The following PXT1 variants were observed in gnomAD, a reference collection of about 807,000 sequenced individuals.
PXT1 encodes the protein peroxisomal testis-specific protein 1.
In PXT1, 11 loss-of-function variants were observed where a neutral mutation model predicts 11.0. The observed-to-expected ratio is 1.00, with a 90% CI of 0.63 to 1.66. The LOEUF is 1.66. PXT1 is among the 40% of genes most tolerant of loss of function. PXT1 has a pLI of 0.00. For synonymous variants in PXT1, 43 were observed against 51.4 expected (o/e 0.84, Z 0.70); for missense variants, 141 against 155.5 (o/e 0.91, Z 0.49).
At chr6:36,406,608 C>T (rs909203724) in intron 3 of PXT1, among the ~76,000 whole-genome samples, 5 of 151,828 alleles carry the variant, frequency 3.3e-5, no homozygotes, top group African/African-American at 1.2e-4. Flanking sequence ...GTCAGGAGTT[C>T]GAGACCAGCC....
chr6:36,407,367 TA>T (rs1318874867), intron 3 of PXT1, among the ~76,000 whole-genome samples: 2 of 152,310 alleles, frequency 1.3e-5, no homozygotes, highest in African/African-American at 4.8e-5. Flanking sequence ...AAAATTCCTT[TA>T]ACAAGATTCA....
chr6:36,421,500 A>C (rs1470127444), intron 3 of PXT1, among the ~76,000 whole-genome samples: 1 of 152,204 alleles, frequency 6.6e-6, no homozygotes, highest in Non-Finnish European at 1.5e-5. Flanking sequence ...AATCTGTGGG[A>C]AGGGTTTACG....
In PXT1 at chr6:36,400,459, G is replaced by C; in HGVS notation, c.295C>G (p.Arg99Gly). The C allele has an allele frequency of 6.2e-7, 1 of 1,613,326 alleles. No homozygotes were observed. Among genetic ancestry groups the C allele is most frequent in the South Asian group, 1.1e-5 (1 of 91,030 alleles). The change falls in exon 4 of 5, where the codon CGA becomes GGA. Residue 99 changes from arginine (R) to glycine (G), a missense_variant. Arg to Gly is a moderately radical substitution (Grantham distance 125). Transcript: ENST00000454782. ...TGGGGAAACTGAAGCCTCACCTCTC[G>C]AACCATCCTATGATCAATGTTGTCC... Reference protein sequence around the residue: ...IGDNIDHRMVREDLQQDGRDA... With the variant: ...IGDNIDHRMVGEDLQQDGRDA...
intron 3 of PXT1, among the ~76,000 whole-genome samples, chr6:36,402,945 T>C (rs1296334195): frequency 9.3e-6 from 1 of 107,414 alleles, no homozygotes; most frequent in Non-Finnish European, 1.9e-5. Flanking sequence ...TTTTCTTTCT[T>C]TCTTTCTTTT....
At chr6:36,410,051 G>A (rs1403528711) in intron 3 of PXT1, among the ~76,000 whole-genome samples, 3 of 151,270 alleles carry the variant, frequency 2.0e-5, no homozygotes, top group Non-Finnish European at 2.9e-5. Flanking sequence ...TGGGGGACTC[G>A]GTGGCTCGTG....
chr6:36,439,510 G>A (rs1361386106), intron 1 of PXT1, among the ~76,000 whole-genome samples: 1 of 151,814 alleles, frequency 6.6e-6, no homozygotes, highest in Non-Finnish European at 1.5e-5. Flanking sequence ...TTACTTGGGA[G>A]GCTGAGGTAG....
At chr6:36,415,304 A>G (rs1272917568) in intron 3 of PXT1, among the ~76,000 whole-genome samples, 2 of 152,060 alleles carry the variant, frequency 1.3e-5, no homozygotes, top group African/African-American at 2.4e-5. Flanking sequence ...TTAGCCAGAC[A>G]TGGTGGCGCG....
At chr6:36,403,287 G>A (rs957242721) in intron 3 of PXT1, among the ~76,000 whole-genome samples, 3 of 152,238 alleles carry the variant, frequency 2.0e-5, no homozygotes, top group South Asian at 4.1e-4. Flanking sequence ...TTAAACTCAA[G>A]TATGTCTGGC....
At chr6:36,400,900 G>A (rs1018433803) in intron 3 of PXT1, among the ~76,000 whole-genome samples, 4 of 152,036 alleles carry the variant, frequency 2.6e-5, no homozygotes, top group African/African-American at 9.7e-5. Flanking sequence ...AACCCAGGAG[G>A]CAGAGGTTGC....
At position 36,409,967 on chromosome 6, in the gene PXT1, A is replaced by AG. The variant is rs1199403541; in HGVS notation, c.170-9384_170-9383insC. Among the ~76,000 whole-genome samples, 183 of 148,868 alleles carry AG rather than the reference A, an allele frequency of 1.2e-3. 1 individual carries two copies. Among genetic ancestry groups the AG allele is most frequent in the African/African-American group, 4.0e-3 (161 of 39,856 alleles). Reference sequence around the variant, plus strand: ...AAAGAAAGAGAAAGGAAGAAAGAGAAAAAAGAAAGAAAGAAAGAAAGAAAA... The same window carrying AG: ...AAAGAAAGAGAAAGGAAGAAAGAGAAGAAAAGAAAGAAAGAAAGAAAGAAAA... On this transcript the variant is annotated intron_variant, in intron 3 of 4. Coordinates refer to ENST00000454782, the MANE Select transcript of PXT1 (RefSeq NM_152990.4).
chr6:36,410,126 CAGGAAGGA>C (rs1203533569), intron 3 of PXT1, among the ~76,000 whole-genome samples: 6 of 129,726 alleles, frequency 4.6e-5, no homozygotes, highest in Non-Finnish European at 6.4e-5. Context: ...AGTTCGAGAC[CAGGAAGGA>C]AGGAAGGAAG....
At chr6:36,411,621 C>G (rs1774376837) in intron 3 of PXT1, among the ~76,000 whole-genome samples, 1 of 152,108 alleles carries the variant, frequency 6.6e-6, no homozygotes, top group Non-Finnish European at 1.5e-5. Flanking sequence ...AAAACCCACA[C>G]TAGCTATCCA....
intron 4 of PXT1, chr6:36,392,975 T>C (rs1429175308): frequency 6.6e-6 from 1 of 151,494 alleles, no homozygotes; most frequent in Non-Finnish European, 1.5e-5. Context: ...TCTGACCATA[T>C]CTTTTTTTTT....
In PXT1 at chr6:36,391,142, T is replaced by C. The variant is rs1195151733; in HGVS notation, c.*628A>G. On this transcript the variant is annotated 3_prime_UTR_variant, in exon 5 of 5. Transcript: ENST00000454782. ...CTGAGAAGGAAACACCCAACGGTGC[T>C]AGTGGTAGTAGTGGGGCCTCTAGGC... 2.0e-5 allele frequency: 3 copies of C among 152,430 alleles called. No individual in the cohort carries two copies. Among genetic ancestry groups the C allele is most frequent in the Non-Finnish European group, 4.4e-5 (3 of 68,302 alleles). 9.4% of individuals were successfully genotyped at this position (152,430 alleles called of 1,614,324 possible).
chr6:36,434,237 T>C (rs1774733113), intron 2 of PXT1, among the ~76,000 whole-genome samples: 1 of 151,846 alleles, frequency 6.6e-6, no homozygotes, highest in South Asian at 2.1e-4. Flanking sequence ...AAAGGACATA[T>C]GTCTCCAGGA....
At position 36,426,108 on chromosome 6, in the gene PXT1, T is replaced by A; in HGVS notation, c.-9-17A>T. The A allele has an allele frequency of 7.0e-7, 1 of 1,421,854 alleles. No homozygotes were observed. 88.1% of individuals were successfully genotyped at this position (1,421,854 alleles called of 1,614,324 possible). Reference sequence around the variant, plus strand: ...GTTTTTTCCCTGTTGAAAAACATATTTTCAGAGGCTTTCCCCCATTTCTCA... The same window carrying A: ...GTTTTTTCCCTGTTGAAAAACATATATTCAGAGGCTTTCCCCCATTTCTCA... On this transcript the variant is annotated splice_polypyrimidine_tract_variant and intron_variant, in intron 2 of 4. Transcript: ENST00000454782.
intron 3 of PXT1, among the ~76,000 whole-genome samples, chr6:36,421,641 TA>T (rs1325988378): frequency 6.6e-6 from 1 of 152,166 alleles, no homozygotes; most frequent in Admixed American, 6.5e-5. Flanking sequence ...TACAAACTTT[TA>T]AAAATATTTT....
chr6:36,409,135 T>C (rs1428433038), intron 3 of PXT1, among the ~76,000 whole-genome samples: 1 of 151,794 alleles, frequency 6.6e-6, no homozygotes, highest in Non-Finnish European at 1.5e-5. Context: ...AAAATAGGGG[T>C]CTAGGGGCTT....
chr6:36,415,897 C>A (rs373883779), intron 3 of PXT1, among the ~76,000 whole-genome samples: 2 of 152,214 alleles, frequency 1.3e-5, no homozygotes, highest in East Asian at 1.9e-4. Flanking sequence ...ATATGATGCT[C>A]ATTTAAGGAA....
Sources: allele counts gnomAD v4.1 joint callset (sites outside exome capture counted in the v4.1 genomes callset), GRCh38; gene constraint gnomAD v4.1.1; transcripts MANE v1.5; gene names NCBI Gene and HGNC (gene_info 2026-07-23, HGNC 2026-07-21).